Variants in ATP6V1H observed in about 807,000 individuals in gnomAD.
ATP6V1H encodes ATPase H+ transporting V1 subunit H.
ATP6V1H carries 39 observed loss-of-function variants against 71.7 expected under a neutral mutation model. That is an observed-to-expected ratio of 0.54 (90% CI 0.42 to 0.71). The LOEUF is 0.71. Ranked by LOEUF, ATP6V1H falls within the 30% of genes least tolerant of loss-of-function variation. ATP6V1H has a pLI of 0.00. For missense variants in ATP6V1H, 509 were observed against 594.9 expected (o/e 0.86, Z 1.50); for synonymous variants, 192 against 199.3 (o/e 0.96, Z 0.31).
At chr8:53,716,737 G>C (rs566614294) in intron 13 of ATP6V1H, among the ~76,000 whole-genome samples, 34 of 152,314 alleles carry the variant, frequency 2.2e-4, no homozygotes, top group Non-Finnish European at 3.8e-4. Flanking sequence ...CAGAAAATAA[G>C]CATGTGCCCA....
intron 2 of ATP6V1H, among the ~76,000 whole-genome samples, chr8:53,840,343 A>G (rs541958941): frequency 6.6e-6 from 1 of 152,142 alleles, no homozygotes; most frequent in Admixed American, 6.5e-5. Flanking sequence ...TAAAAATACA[A>G]AAAAATTAGG....
chr8:53,746,439 A>G (rs571207816), intron 12 of ATP6V1H, among the ~76,000 whole-genome samples: 8 of 151,826 alleles, frequency 5.3e-5, no homozygotes, highest in Admixed American at 5.2e-4. Context: ...TCATTTTTGT[A>G]TTTTTAGTAG....
At chr8:53,742,987 T>C (rs1027719361) in intron 13 of ATP6V1H, among the ~76,000 whole-genome samples, 1 of 152,246 alleles carries the variant, frequency 6.6e-6, no homozygotes, top group Non-Finnish European at 1.5e-5. Context: ...TTCTATTATG[T>C]ACACAAAGGG....
chr8:53,739,153 A>T (rs1243052392), intron 13 of ATP6V1H, among the ~76,000 whole-genome samples: 6 of 151,958 alleles, frequency 3.9e-5, no homozygotes, highest in Admixed American at 3.9e-4. Context: ...TAGAATTCTA[A>T]TTTAGAAATT....
In ATP6V1H at chr8:53,807,402, C is replaced by G. The variant is rs571646274; in HGVS notation, c.579+3762G>C. Among the ~76,000 whole-genome samples, 335 of 152,018 alleles carry G rather than the reference C, an allele frequency of 2.2e-3. 2 individuals carry two copies. Among genetic ancestry groups the G allele is most frequent in the African/African-American group, 7.8e-3 (324 of 41,460 alleles). Reference sequence around the variant, plus strand: ...ATTACCTGAGGTCAGGCGTTCGAGACCAGCCTGGCCAACATGGCGAAACCC... The same window carrying G: ...ATTACCTGAGGTCAGGCGTTCGAGAGCAGCCTGGCCAACATGGCGAAACCC... On this transcript the variant is annotated intron_variant, in intron 7 of 13. Coordinates refer to ENST00000359530, the MANE Select transcript of ATP6V1H (RefSeq NM_015941.4).
intron 9 of ATP6V1H, among the ~76,000 whole-genome samples, chr8:53,783,119 A>ATT: frequency 6.6e-6 from 1 of 152,206 alleles, no homozygotes; most frequent in South Asian, 2.1e-4. Context: ...AAGGAATGGT[A>ATT]CCAGCTCCTC....
intron 7 of ATP6V1H, among the ~76,000 whole-genome samples, chr8:53,807,200 T>TA (rs1465902634): frequency 6.6e-6 from 1 of 151,388 alleles, no homozygotes; most frequent in Admixed American, 6.6e-5. Flanking sequence ...TGACAAGTAT[T>TA]ACATCAGCAC....
At chr8:53,834,716 G>C (rs1386525915) in intron 2 of ATP6V1H, among the ~76,000 whole-genome samples, 1 of 152,030 alleles carries the variant, frequency 6.6e-6, no homozygotes. Context: ...GAGCCACTGC[G>C]CCTGGCCCCA....
At chr8:53,739,134 TTTAGAAATTAGAATTCTAATTTAGAAA>T (rs1157710758) in intron 13 of ATP6V1H, among the ~76,000 whole-genome samples, 3 of 151,446 alleles carry the variant, frequency 2.0e-5, no homozygotes, top group Non-Finnish European at 4.4e-5. Flanking sequence ...TAGAAATTAA[TTTAGAAATTAGAATTCTAATTTAGAAA>T]TTAGAAATTA....
At chr8:53,804,220 G>A (rs1047140383) in intron 7 of ATP6V1H, among the ~76,000 whole-genome samples, 9 of 152,164 alleles carry the variant, frequency 5.9e-5, no homozygotes, top group African/African-American at 7.2e-5. Flanking sequence ...CTTCAATTAC[G>A]CAAAGTAGAG....
intron 7 of ATP6V1H, among the ~76,000 whole-genome samples, chr8:53,803,547 T>C (rs1336133941): frequency 6.6e-6 from 1 of 152,140 alleles, no homozygotes; most frequent in Non-Finnish European, 1.5e-5. Flanking sequence ...TCAGAGAAAT[T>C]CCAGGCACTT....
At chr8:53,794,643 G>A (rs1809672680) in intron 9 of ATP6V1H, among the ~76,000 whole-genome samples, 1 of 152,170 alleles carries the variant, frequency 6.6e-6, no homozygotes, top group Non-Finnish European at 1.5e-5. Flanking sequence ...TGGGATTACA[G>A]GTGTGAACCA....
At chr8:53,787,289 CAG>C (rs771748300) in intron 9 of ATP6V1H, among the ~76,000 whole-genome samples, 121 of 152,306 alleles carry the variant, frequency 7.9e-4, no homozygotes, top group Non-Finnish European at 1.1e-3. Context: ...ATTCCTGAAA[CAG>C]GGGATAAGGG....
intron 10 of ATP6V1H, among the ~76,000 whole-genome samples, chr8:53,770,355 T>G (rs536163560): frequency 6.6e-6 from 1 of 152,192 alleles, no homozygotes; most frequent in African/African-American, 2.4e-5. Context: ...ATTCACTGGA[T>G]AGTAACTTGA....
At chr8:53,780,204 T>C (rs1461456232) in intron 9 of ATP6V1H, among the ~76,000 whole-genome samples, 1 of 151,324 alleles carries the variant, frequency 6.6e-6, no homozygotes, top group East Asian at 1.9e-4. Flanking sequence ...TGGCTTCAAC[T>C]ATAACTTCAA....
intron 9 of ATP6V1H, among the ~76,000 whole-genome samples, chr8:53,780,472 C>T (rs1263893104): frequency 6.6e-6 from 1 of 151,746 alleles, no homozygotes; most frequent in African/African-American, 2.4e-5. Flanking sequence ...CTGAATCTGC[C>T]AGAAATAATC....
chr8:53,832,747 G>A (rs1811047889), intron 3 of ATP6V1H: 1 of 326,214 alleles, frequency 3.1e-6, no homozygotes, highest in African/African-American at 2.1e-5. Flanking sequence ...GAAAAGTTAA[G>A]CAACTTTTAA....
intron 8 of ATP6V1H, among the ~76,000 whole-genome samples, chr8:53,800,268 T>C (rs1809866302): frequency 6.6e-6 from 1 of 152,202 alleles, no homozygotes; most frequent in Non-Finnish European, 1.5e-5. Flanking sequence ...TCACTGTATC[T>C]CTGTAATAAA....
intron 9 of ATP6V1H, among the ~76,000 whole-genome samples, chr8:53,784,931 T>C (rs1255749834): frequency 1.3e-5 from 2 of 152,204 alleles, no homozygotes; most frequent in African/African-American, 2.4e-5. Flanking sequence ...GGGCTTCCCT[T>C]TGTGGGTAAC....
Sources: gnomAD v4.1 joint callset for allele counts (sites outside exome capture counted in the v4.1 genomes callset) on GRCh38, gnomAD v4.1.1 for gene constraint, MANE v1.5 for transcripts, NCBI Gene and HGNC (gene_info 2026-07-23, HGNC 2026-07-21) for gene names.